The following KLF8 variants were observed in gnomAD, a reference collection of about 807,000 sequenced individuals.
KLF8 encodes KLF transcription factor 8, also known as Krueppel-like factor 8.
A neutral mutation model predicts 18.2 loss-of-function variants in KLF8; 10 were observed. The observed-to-expected ratio is 0.55, with a 90% CI of 0.34 to 0.93. KLF8 has a LOEUF of 0.93. Among genes scored for constraint, KLF8 ranks in the 40% least tolerant of loss-of-function variants. The pLI is 0.02. For synonymous variants in KLF8, 109 were observed against 97.3 expected (o/e 1.12, Z -0.71); for missense variants, 264 against 277.9 (o/e 0.95, Z 0.36).
the KLF8 span, among the ~76,000 whole-genome samples, chrX:56,215,859 AAAAAG>A: frequency 1.2e-4 from 12 of 98,092 alleles, no homozygotes; most frequent in African/African-American, 3.5e-4. Flanking sequence ...AAAAAAAAAA[AAAAAG>A]AAAAGAAAAG....
At chrX:56,085,470 A>G in the KLF8 span, among the ~76,000 whole-genome samples, 1 of 111,244 alleles carries the variant, frequency 9.0e-6, no homozygotes, top group African/African-American at 3.3e-5. Flanking sequence ...TTAAGTAGAG[A>G]AAGCAAATCT....
chrX:56,262,705 C>T lies in KLF8; in HGVS notation c.82-2475C>T, dbSNP rs1265854430. ...TGTGTGACAGAGTCTCATTCTGTTGCCCAGGCTGGAGGGCAGTGACAATCC... is the reference window on the plus strand; with the variant it reads ...TGTGTGACAGAGTCTCATTCTGTTGTCCAGGCTGGAGGGCAGTGACAATCC... On this transcript the variant is annotated intron_variant, in intron 2 of 5. Transcript: ENST00000468660. 4.0e-4 allele frequency among the ~76,000 whole-genome samples: 44 copies of T among 110,764 alleles called. 1 individual carries two copies. The highest frequency in any genetic ancestry group is 3.3e-3 in the Admixed American group (34 of 10,407).
chrX:56,012,042 C>T, the KLF8 span, among the ~76,000 whole-genome samples: 7 of 111,670 alleles, frequency 6.3e-5, no homozygotes, highest in Middle Eastern at 4.6e-3. Context: ...GAGCTGGTAC[C>T]GTTTCTTCTG....
At chrX:55,974,230 G>C in the KLF8 span, among the ~76,000 whole-genome samples, 1 of 111,023 alleles carries the variant, frequency 9.0e-6, no homozygotes, top group East Asian at 2.8e-4. Flanking sequence ...CTACCTGTTG[G>C]GTACTATGCT....
the KLF8 span, among the ~76,000 whole-genome samples, chrX:56,101,202 A>T: frequency 2.7e-5 from 3 of 112,089 alleles, no homozygotes; most frequent in African/African-American, 9.7e-5. Flanking sequence ...GCTTCCACTT[A>T]TAAATGAGAA....
the KLF8 span, among the ~76,000 whole-genome samples, chrX:55,936,295 C>T: frequency 0.13 from 14,647 of 111,675 alleles, 1,733 homozygotes; most frequent in African/African-American, 0.39. Context: ...TGATTGTGAA[C>T]ATATTAGGTG....
chrX:56,141,957 C>A, the KLF8 span, among the ~76,000 whole-genome samples: 2 of 112,014 alleles, frequency 1.8e-5, no homozygotes, highest in South Asian at 7.3e-4. Context: ...AAATTGCTCA[C>A]AAATTACACA....
chrX:55,918,220 C>G, the KLF8 span, among the ~76,000 whole-genome samples: 1 of 111,789 alleles, frequency 8.9e-6, no homozygotes, highest in East Asian at 2.8e-4. Context: ...TCCCCAGTGC[C>G]TAGAACATAG....
At chrX:56,104,665 G>A in the KLF8 span, among the ~76,000 whole-genome samples, 36 of 111,344 alleles carry the variant, frequency 3.2e-4, no homozygotes, top group East Asian at 0.01. Context: ...CAAAAAACCA[G>A]CTCCTGGATT....
chrX:55,931,497 T>C, the KLF8 span, among the ~76,000 whole-genome samples: 2 of 112,204 alleles, frequency 1.8e-5, no homozygotes. Context: ...TGCTTTCTCC[T>C]GTGGGCATTT....
At chrX:56,085,562 G>C in the KLF8 span, among the ~76,000 whole-genome samples, 6 of 112,182 alleles carry the variant, frequency 5.3e-5, no homozygotes, top group Non-Finnish European at 1.1e-4. Flanking sequence ...AGAGTAACCT[G>C]CTTTATTTAG....
chrX:56,047,305 G>A, the KLF8 span, among the ~76,000 whole-genome samples: 4 of 108,940 alleles, frequency 3.7e-5, no homozygotes, highest in Non-Finnish European at 7.6e-5. Context: ...TAGGGTACAT[G>A]TGCACAATGT....
chrX:56,039,960 C>T, the KLF8 span, among the ~76,000 whole-genome samples: 1 of 111,136 alleles, frequency 9.0e-6, no homozygotes, highest in African/African-American at 3.3e-5. Context: ...TAGCTCTATT[C>T]CTAGGCATTT....
chrX:56,214,151 G>A, the KLF8 span, among the ~76,000 whole-genome samples: 1 of 110,246 alleles, frequency 9.1e-6, no homozygotes, highest in Admixed American at 9.7e-5. Flanking sequence ...GTGAAGCCTG[G>A]AGTTTTTATG....
chrX:56,119,138 C>T, the KLF8 span, among the ~76,000 whole-genome samples: 1 of 111,653 alleles, frequency 9.0e-6, no homozygotes, highest in African/African-American at 3.3e-5. Context: ...ATGTGAAAGA[C>T]AGAAGGAAGA....
chrX:55,941,884 T>C, the KLF8 span, among the ~76,000 whole-genome samples: 1 of 111,525 alleles, frequency 9.0e-6, no homozygotes, highest in Non-Finnish European at 1.9e-5. Context: ...CTGGAGAGGA[T>C]GTGGAGAAAT....
At chrX:56,136,775 G>T in the KLF8 span, among the ~76,000 whole-genome samples, 1 of 110,625 alleles carries the variant, frequency 9.0e-6, no homozygotes, top group Non-Finnish European at 1.9e-5. Flanking sequence ...AAACTAAAGA[G>T]CTTCTGCACA....
chrX:56,157,898 G>T, the KLF8 span, among the ~76,000 whole-genome samples: 1 of 111,691 alleles, frequency 9.0e-6, no homozygotes, highest in East Asian at 2.8e-4. Flanking sequence ...AGTTTAATTA[G>T]ATCCCATTTG....
chrX:56,170,965 G>A, the KLF8 span, among the ~76,000 whole-genome samples: 1 of 111,844 alleles, frequency 8.9e-6, no homozygotes, highest in Non-Finnish European at 1.9e-5. Flanking sequence ...AGGCACTGGA[G>A]CACCAATATA....
Sources: allele counts gnomAD v4.1 joint callset (sites outside exome capture counted in the v4.1 genomes callset), GRCh38; gene constraint gnomAD v4.1.1; transcripts MANE v1.5; gene names NCBI Gene and HGNC (gene_info 2026-07-23, HGNC 2026-07-21).